SV2C: variants seen among roughly 807,000 people sequenced by gnomAD.
The protein encoded by SV2C is solute carrier family 22 member B3.
Under a neutral mutation model 79.7 loss-of-function variants are expected in SV2C, and 49 were observed. That is an observed-to-expected ratio of 0.61 (90% CI 0.49 to 0.78). SV2C has a LOEUF of 0.78. Among genes scored for constraint, SV2C ranks in the 30% least tolerant of loss-of-function variants. The pLI is 0.00. For missense variants in SV2C, 833 were observed against 912.9 expected (o/e 0.91, Z 1.13); for synonymous variants, 334 against 333.2 (o/e 1.00, Z -0.03).
exon 13 of SV2C, chr5:76,353,650 A>G (rs1021128471): frequency 6.6e-6 from 1 of 152,300 alleles, no homozygotes; most frequent in African/African-American, 2.4e-5. Flanking sequence ...AACTCCACAA[A>G]CAGACCACTT....
At chr5:76,256,760 C>T (rs77447463) in intron 4 of SV2C, among the ~76,000 whole-genome samples, 13,000 of 152,266 alleles carry the variant, frequency 0.085, 630 homozygotes, top group South Asian at 0.16. Context: ...ATCTGCCCCC[C>T]GCTTTAAAAT....
chr5:75,859,253 T>C, the SV2C span, among the ~76,000 whole-genome samples: 1 of 152,226 alleles, frequency 6.6e-6, no homozygotes, highest in African/African-American at 2.4e-5. Context: ...TCATTATCTA[T>C]CATTTGAATG....
At chr5:76,025,140 A>G in the SV2C span, among the ~76,000 whole-genome samples, 1 of 151,444 alleles carries the variant, frequency 6.6e-6, no homozygotes, top group Admixed American at 6.6e-5. Flanking sequence ...ATAAAATATC[A>G]TAACACAAAA....
intron 4 of SV2C, among the ~76,000 whole-genome samples, chr5:76,284,659 G>A (rs1287785173): frequency 6.6e-6 from 1 of 152,218 alleles, no homozygotes; most frequent in Non-Finnish European, 1.5e-5. Flanking sequence ...CAGTCAGGGG[G>A]AAGGGAGAAG....
chr5:75,998,831 A>ACT, the SV2C span, among the ~76,000 whole-genome samples: 18 of 149,436 alleles, frequency 1.2e-4, no homozygotes, highest in East Asian at 3.9e-4. Context: ...TCTATCTCTC[A>ACT]CTCTCTCTCT....
At chr5:76,348,561 A>T (rs1313396218) in intron 12 of SV2C, among the ~76,000 whole-genome samples, 1 of 152,224 alleles carries the variant, frequency 6.6e-6, no homozygotes, top group Non-Finnish European at 1.5e-5. Flanking sequence ...AGTGAATGAG[A>T]GTTCCTGTTG....
chr5:75,954,103 T>C, the SV2C span, among the ~76,000 whole-genome samples: 1 of 151,956 alleles, frequency 6.6e-6, no homozygotes, highest in Non-Finnish European at 1.5e-5. Context: ...CACTGGAACA[T>C]AATAATAACT....
chr5:76,121,465 A>G (rs1398464007), intron 1 of SV2C, among the ~76,000 whole-genome samples: 1 of 151,330 alleles, frequency 6.6e-6, no homozygotes. Flanking sequence ...CTGAATGGTA[A>G]TGCCTAGGTT....
intron 4 of SV2C, among the ~76,000 whole-genome samples, chr5:76,235,168 T>C (rs1258409078): frequency 1.3e-4 from 15 of 115,212 alleles, no homozygotes; most frequent in Non-Finnish European, 2.2e-4. Context: ...GAATTATCCA[T>C]GGAGAAAAGG....
chr5:76,266,796 A>C lies in SV2C; in HGVS notation c.914-18366A>C, dbSNP rs546926818. Among the ~76,000 whole-genome samples the C allele has an allele frequency of 8.5e-5, 13 of 152,348 alleles. No homozygotes were observed. In the East Asian group the frequency reaches 2.5e-3, roughly 29 times the overall value. Reference sequence around the variant, plus strand: ...TGCCACAGAATTATACAGTAAAAAAAAAAAAGGTTAAAATGGGAAGTTTCA... The same window carrying C: ...TGCCACAGAATTATACAGTAAAAAACAAAAAGGTTAAAATGGGAAGTTTCA... On this transcript the variant is annotated intron_variant, in intron 4 of 12. Coordinates refer to ENST00000502798, the MANE Select transcript of SV2C (RefSeq NM_014979.4).
At chr5:76,118,252 GTCT>G (rs1247438089) in intron 1 of SV2C, among the ~76,000 whole-genome samples, 1 of 152,068 alleles carries the variant, frequency 6.6e-6, no homozygotes, top group Non-Finnish European at 1.5e-5. Flanking sequence ...TCTTCACATG[GTCT>G]TCTCCTTTTG....
At chr5:76,217,945 TAAC>T (rs778769550) in intron 4 of SV2C, among the ~76,000 whole-genome samples, 3 of 152,156 alleles carry the variant, frequency 2.0e-5, no homozygotes, top group Non-Finnish European at 4.4e-5. Flanking sequence ...CAGATAGAAA[TAAC>T]GAGAGTCTGA....
chr5:76,103,277 T>C (rs1302558290), intron 1 of SV2C, among the ~76,000 whole-genome samples: 1 of 152,178 alleles, frequency 6.6e-6, no homozygotes, highest in Admixed American at 6.5e-5. Flanking sequence ...GATGTATTAT[T>C]CACCTGCATC....
chr5:76,001,023 C>A, the SV2C span, among the ~76,000 whole-genome samples: 5 of 141,848 alleles, frequency 3.5e-5, no homozygotes, highest in South Asian at 2.2e-4. Flanking sequence ...AAAAAAAAAA[C>A]TAACACCTGG....
chr5:76,022,058 T>C, the SV2C span, among the ~76,000 whole-genome samples: 1 of 152,160 alleles, frequency 6.6e-6, no homozygotes, highest in Non-Finnish European at 1.5e-5. Flanking sequence ...GTCCCAACCA[T>C]TTTGCAGTCA....
chr5:76,167,638 C>G (rs1227366785), intron 2 of SV2C, among the ~76,000 whole-genome samples: 1 of 152,156 alleles, frequency 6.6e-6, no homozygotes, highest in Non-Finnish European at 1.5e-5. Flanking sequence ...CTGTTATTAT[C>G]TTGATTTTAC....
the SV2C span, among the ~76,000 whole-genome samples, chr5:76,002,209 C>T: frequency 6.6e-6 from 1 of 151,518 alleles, no homozygotes; most frequent in African/African-American, 2.4e-5. Context: ...TTTATGCATT[C>T]GTTGGTTGAC....
At chr5:76,029,684 G>A in the SV2C span, among the ~76,000 whole-genome samples, 15 of 152,056 alleles carry the variant, frequency 9.9e-5, no homozygotes, top group Admixed American at 9.8e-4. Flanking sequence ...ACCCTATTCA[G>A]CCAGCATGTG....
rs1467986778 is a variant in SV2C, at chr5:76,111,804, T to A, written c.-101-19846T>A. On this transcript the variant is annotated intron_variant, in intron 1 of 12. Coordinates refer to ENST00000502798, the MANE Select transcript of SV2C (RefSeq NM_014979.4). ...AGGCCTTGGTCTTTCTTGAAACTTC[T>A]CCTGTTGGCAACACCAGAAAAATGT... Among the ~76,000 whole-genome samples, 7 of 152,348 alleles carry A rather than the reference T, an allele frequency of 4.6e-5. No homozygotes were observed. The East Asian group carries it at 1.4e-3, about 29-fold the overall frequency.
Sources: gnomAD v4.1 joint callset for allele counts (sites outside exome capture counted in the v4.1 genomes callset) on GRCh38, gnomAD v4.1.1 for gene constraint, MANE v1.5 for transcripts, NCBI Gene and HGNC (gene_info 2026-07-23, HGNC 2026-07-21) for gene names.